The following CREM variants were observed in gnomAD, a reference collection of about 807,000 sequenced individuals.
CREM encodes the protein cAMP responsive element modulator.
Under a neutral mutation model 37.3 loss-of-function variants are expected in CREM, and 13 were observed. The ratio of observed to expected loss-of-function variants is 0.35; its 90% CI spans 0.23 to 0.55. The LOEUF is 0.55. Among genes scored for constraint, CREM ranks in the 20% least tolerant of loss-of-function variants. The pLI, the probability that CREM is intolerant of heterozygous loss-of-function variation, is 0.88. For missense variants in CREM, 296 were observed against 362.3 expected, an observed-to-expected ratio of 0.82 and a Z score of 1.49; for synonymous variants, 124 against 120.2, an observed-to-expected ratio of 1.03 and a Z score of -0.21.
chr10:35,203,976 G>A (rs562764434), intron 6 of CREM, among the ~76,000 whole-genome samples: 2 of 152,236 alleles, frequency 1.3e-5, no homozygotes, highest in South Asian at 4.1e-4. Flanking sequence ...ACTGGCTATT[G>A]TTCCAATTTT....
intron 1 of CREM, among the ~76,000 whole-genome samples, chr10:35,131,642 C>G (rs1032762471): frequency 6.6e-6 from 1 of 152,096 alleles, no homozygotes; most frequent in Non-Finnish European, 1.5e-5. Flanking sequence ...TGTTTCTGCA[C>G]TTAGAAAGAT....
At chr10:35,170,244 C>T (rs1322583964) in intron 3 of CREM, among the ~76,000 whole-genome samples, 1 of 152,070 alleles carries the variant, frequency 6.6e-6, no homozygotes, top group Admixed American at 6.6e-5. Context: ...GGATTACAGG[C>T]GTGAGCCACT....
At chr10:35,196,207 C>A in intron 6 of CREM, 1 of 1,130,928 alleles carries the variant, frequency 8.8e-7, no homozygotes. Context: ...TCCTCTTACT[C>A]CATCTATAGG....
chr10:35,127,901 A>G (rs1564770051), intron 1 of CREM, among the ~76,000 whole-genome samples: 1 of 152,076 alleles, frequency 6.6e-6, no homozygotes, highest in Non-Finnish European at 1.5e-5. Flanking sequence ...GCTGGAATGC[A>G]GGGGCATGAT....
chr10:35,148,685 A>T, intron 3 of CREM, 194 bp downstream of exon 3: 1 of 541,532 alleles, frequency 1.8e-6, no homozygotes. Flanking sequence ...GCAGTGCCCC[A>T]TCTCCATTGC....
chr10:35,127,550 AGG>A (rs1257900749), intron 1 of CREM: 3 of 152,380 alleles, frequency 2.0e-5, no homozygotes, highest in Non-Finnish European at 4.4e-5. Context: ...AACTCGGAAA[AGG>A]AAAAGGAATC....
At chr10:35,191,450 T>C (rs995982529) in intron 6 of CREM, among the ~76,000 whole-genome samples, 2 of 151,944 alleles carry the variant, frequency 1.3e-5, no homozygotes. Flanking sequence ...TTTCTTTTCC[T>C]TAAATAATCA....
chr10:35,155,233 CCTTT>C (rs749164078), intron 3 of CREM, among the ~76,000 whole-genome samples: 54 of 152,030 alleles, frequency 3.6e-4, no homozygotes, highest in Non-Finnish European at 4.7e-4. Flanking sequence ...GTTCAAGTTC[CCTTT>C]CTTAGTTTTA....
At chr10:35,204,943 T>C (rs1290852315) in intron 6 of CREM, among the ~76,000 whole-genome samples, 1 of 152,236 alleles carries the variant, frequency 6.6e-6, no homozygotes, top group Non-Finnish European at 1.5e-5. Context: ...GTATAATACA[T>C]TTTCATGAAA....
chr10:35,170,140 A>AT (rs2093739842), intron 3 of CREM, among the ~76,000 whole-genome samples: 1 of 151,254 alleles, frequency 6.6e-6, no homozygotes, highest in Non-Finnish European at 1.5e-5. Flanking sequence ...TTTTTTTTGT[A>AT]TTTTTTAGTA....
rs760608530 is a variant in CREM, at chr10:35,178,971, G to T, written c.251G>T (p.Arg84Leu). The change falls in exon 4 of 8, where the codon CGA (arginine) becomes CTA (leucine). Residue 84 changes from arginine (R) to leucine (L), a missense_variant. Arg to Leu is a moderately radical substitution (Grantham distance 102). This residue lies in a region of CREM where 257 missense variants were observed against 280.2 expected (regional missense o/e 0.92). Transcript: ENST00000685392. ...DSHKRREILS[R>L]RPSYRKILNE... ...CATAAACGTAGAGAAATCCTTTCAC[G>T]AAGACCCTCTTATAGGTAAGTTAAC... is the stretch of plus-strand genomic sequence containing the variant. The T allele has an allele frequency of 1.2e-6, 2 of 1,610,990 alleles. No individual in the cohort carries two copies. Among genetic ancestry groups the T allele is most frequent in the Non-Finnish European group, 8.5e-7 (1 of 1,179,044 alleles).
At chr10:35,181,297 CTG>C (rs1266505822) in intron 5 of CREM, among the ~76,000 whole-genome samples, 1 of 152,164 alleles carries the variant, frequency 6.6e-6, no homozygotes, top group East Asian at 1.9e-4. Context: ...TTGCCAAACT[CTG>C]GGGTTCCTGT....
In CREM at chr10:35,148,481, C is replaced by CTT. The variant is rs749052615; in HGVS notation, c.160_161dup (p.Leu54PhefsTer2). 32 of 1,611,386 alleles carry CTT rather than the reference C, an allele frequency of 2.0e-5. No individual in the cohort carries two copies. In the South Asian group the frequency reaches 3.4e-4, roughly 17 times the overall value. On this transcript the variant is annotated frameshift_variant, in exon 3 of 8. Coordinates refer to ENST00000685392, the MANE Select transcript of CREM (RefSeq NM_183011.2). LOFTEE classifies it high-confidence loss of function. Reference sequence around the variant, plus strand: ...CAGACTGGCCAAAATTCAATCCCTGCTTTAGCTCAGGTAGGCAATAGGCAG... The same window carrying CTT: ...CAGACTGGCCAAAATTCAATCCCTGCTTTTTAGCTCAGGTAGGCAATAGGCAG...
intron 2 of CREM, among the ~76,000 whole-genome samples, chr10:35,139,761 A>G (rs963642872): frequency 6.6e-6 from 1 of 152,188 alleles, no homozygotes; most frequent in Non-Finnish European, 1.5e-5. Context: ...TTCAATTTTA[A>G]TGTATTTAGC....
At position 35,145,776 on chromosome 10, in the gene CREM, C is replaced by CAAAA. The variant is rs370248344; in HGVS notation, c.45-2572_45-2569dup. On this transcript the variant is annotated intron_variant, in intron 2 of 7. Coordinates refer to ENST00000685392, the MANE Select transcript of CREM (RefSeq NM_183011.2). The stretch of plus-strand genomic sequence containing the variant: ...GGGTTGACAGAGTGAGACTCTGCCT[C>CAAAA]AAAAAAAAAAAAAAAAAAAAAAAGA... 9.2e-4 allele frequency among the ~76,000 whole-genome samples: 78 copies of CAAAA among 85,098 alleles called. 2 individuals are homozygous for CAAAA. Among genetic ancestry groups the CAAAA allele is most frequent in the African/African-American group, 2.0e-3 (38 of 19,456 alleles). 55.8% of individuals were successfully genotyped at this position (85,098 alleles called of 152,430 possible).
intron 2 of CREM, among the ~76,000 whole-genome samples, chr10:35,141,511 G>T (rs904723164): frequency 6.6e-6 from 1 of 152,158 alleles, no homozygotes; most frequent in African/African-American, 2.4e-5. Context: ...TTTCTGGCTT[G>T]AACAACTCGT....
intron 7 of CREM, among the ~76,000 whole-genome samples, chr10:35,210,081 A>AG (rs2095631237): frequency 6.6e-6 from 1 of 151,976 alleles, no homozygotes; most frequent in South Asian, 2.1e-4. Context: ...AAAAAAAAAA[A>AG]TCATGTATAC....
intron 6 of CREM, among the ~76,000 whole-genome samples, chr10:35,189,657 A>G (rs1312557202): frequency 5.9e-5 from 9 of 152,210 alleles, no homozygotes; most frequent in Middle Eastern, 3.4e-3. Flanking sequence ...CTGGGACTAC[A>G]GGTGCATAAC....
At chr10:35,206,871 T>C in intron 6 of CREM, 24 bp from the exon 7 acceptor site, 3 of 1,611,650 alleles carry the variant, frequency 1.9e-6, no homozygotes, top group South Asian at 1.1e-5. Context: ...TTATATAAGC[T>C]CAAAATATTT....
Sources: gnomAD v4.1 joint callset for allele counts (sites outside exome capture counted in the v4.1 genomes callset) on GRCh38, gnomAD v4.1.1 for gene constraint, gnomAD v4.1.1 regional missense constraint, MANE v1.5 for transcripts, NCBI Gene and HGNC (gene_info 2026-07-23, HGNC 2026-07-21) for gene names.